The following CSMD1 variants were observed in gnomAD, a reference collection of about 807,000 sequenced individuals.
CSMD1 encodes the protein CUB and sushi domain-containing protein 1.
Under a neutral mutation model 417.5 loss-of-function variants are expected in CSMD1, and 213 were observed. The observed-to-expected ratio is 0.51, with a 90% CI of 0.46 to 0.57. CSMD1 has a LOEUF of 0.57. CSMD1 is among the 20% of genes least tolerant of loss of function. CSMD1 has a pLI of 0.00. For synonymous variants in CSMD1, 2,862 were observed against 1,736.8 expected (o/e 1.65, Z -16.11); for missense variants, 6,923 against 4,529.7 (o/e 1.53, Z -15.17).
intron 5 of CSMD1, among the ~76,000 whole-genome samples, chr8:3,920,566 G>C (rs184991791): frequency 2.6e-5 from 4 of 152,180 alleles, no homozygotes; most frequent in Non-Finnish European, 5.9e-5. Context: ...TAAATTTAAA[G>C]AGAAATGCTT....
chr8:4,445,314 T>A (rs773299205), intron 2 of CSMD1, among the ~76,000 whole-genome samples: 6 of 152,224 alleles, frequency 3.9e-5, no homozygotes, highest in Non-Finnish European at 5.9e-5. Context: ...CCTCATTAAA[T>A]CAACCATTTT....
At chr8:3,604,615 A>G (rs1801521930) in intron 8 of CSMD1, among the ~76,000 whole-genome samples, 1 of 152,204 alleles carries the variant, frequency 6.6e-6, no homozygotes, top group Admixed American at 6.5e-5. Context: ...CAAATAAAAT[A>G]GTAAGCAAGA....
intron 3 of CSMD1, among the ~76,000 whole-genome samples, chr8:4,152,034 C>G (rs1030927334): frequency 6.6e-6 from 1 of 152,106 alleles, no homozygotes; most frequent in Non-Finnish European, 1.5e-5. Flanking sequence ...AGCTCGATAC[C>G]TTCATTTGAC....
chr8:4,789,832 A>G (rs977051587), intron 1 of CSMD1, among the ~76,000 whole-genome samples: 1 of 152,208 alleles, frequency 6.6e-6, no homozygotes, highest in South Asian at 2.1e-4. Flanking sequence ...TTTATGGAAA[A>G]TAAGTCTAAC....
intron 5 of CSMD1, among the ~76,000 whole-genome samples, chr8:3,777,658 C>T (rs995131815): frequency 6.6e-6 from 1 of 152,254 alleles, no homozygotes; most frequent in Non-Finnish European, 1.5e-5. Context: ...TCCAAGGAGC[C>T]TCCTTGAAGT....
chr8:4,173,265 A>C (rs922629673), intron 3 of CSMD1, among the ~76,000 whole-genome samples: 2 of 152,306 alleles, frequency 1.3e-5, no homozygotes, highest in Admixed American at 6.5e-5. Context: ...GAATGTAATA[A>C]AATTTTAAAA....
intron 2 of CSMD1, among the ~76,000 whole-genome samples, chr8:4,531,856 C>T (rs984507030): frequency 3.9e-5 from 6 of 151,944 alleles, no homozygotes; most frequent in Admixed American, 6.6e-5. Context: ...AATCCTGCAC[C>T]GCATTCAGTC....
chr8:4,330,730 G>A (rs1004637829), intron 3 of CSMD1, among the ~76,000 whole-genome samples: 2 of 151,946 alleles, frequency 1.3e-5, no homozygotes, highest in Non-Finnish European at 2.9e-5. Context: ...AATCAAGTTC[G>A]TGACTTATCT....
At chr8:4,135,925 C>T (rs1380585671) in intron 3 of CSMD1, among the ~76,000 whole-genome samples, 1 of 151,986 alleles carries the variant, frequency 6.6e-6, no homozygotes, top group Non-Finnish European at 1.5e-5. Context: ...TGTTAGTTTT[C>T]CCTGGATTGG....
At chr8:4,878,659 C>T (rs1321147861) in intron 1 of CSMD1, among the ~76,000 whole-genome samples, 1 of 151,888 alleles carries the variant, frequency 6.6e-6, no homozygotes, top group Non-Finnish European at 1.5e-5. Context: ...AATTTCATTA[C>T]TTGTGAAATG....
At chr8:4,019,769 G>C (rs79932064) in intron 4 of CSMD1, among the ~76,000 whole-genome samples, 1,642 of 152,206 alleles carry the variant, frequency 0.011, 22 homozygotes, top group East Asian at 0.054. Context: ...TTCTGTCCAA[G>C]TGGTGGTGTG....
intron 5 of CSMD1, among the ~76,000 whole-genome samples, chr8:3,809,129 G>A (rs915464041): frequency 1.3e-5 from 2 of 152,054 alleles, no homozygotes; most frequent in East Asian, 1.9e-4. Flanking sequence ...CCTCTATTGG[G>A]AATATCTTCC....
intron 2 of CSMD1, among the ~76,000 whole-genome samples, chr8:4,513,393 A>G (rs907923961): frequency 6.6e-6 from 1 of 152,214 alleles, no homozygotes; most frequent in Admixed American, 6.6e-5. Context: ...GAAATCCTCA[A>G]GTAGCACCTG....
intron 1 of CSMD1, among the ~76,000 whole-genome samples, chr8:4,806,635 AT>A (rs556073349): frequency 5.5e-4 from 84 of 152,346 alleles, no homozygotes; most frequent in Non-Finnish European, 8.4e-4. Flanking sequence ...AGTAATTAAA[AT>A]CATCCTGAAA....
At chr8:4,649,234 C>T (rs1459121835) in intron 1 of CSMD1, among the ~76,000 whole-genome samples, 3 of 152,158 alleles carry the variant, frequency 2.0e-5, no homozygotes, top group Admixed American at 6.5e-5. Flanking sequence ...GTGCCCAGTG[C>T]ACAGTAAACA....
intron 13 of CSMD1, 45 bp downstream of exon 13, chr8:3,409,378 T>A (rs756548893): frequency 1.3e-6 from 2 of 1,483,504 alleles, no homozygotes; most frequent in Non-Finnish European, 1.8e-6. Context: ...CCTTGCAAGA[T>A]CCTTGCAGGA....
chr8:3,543,570 A>G (rs34362465), intron 10 of CSMD1, among the ~76,000 whole-genome samples: 21,254 of 152,002 alleles, frequency 0.14, 1,765 homozygotes, highest in African/African-American at 0.23. Context: ...GGGTCTGCTG[A>G]TGAATGTGGG....
intron 5 of CSMD1, among the ~76,000 whole-genome samples, chr8:3,821,907 G>A (rs768571247): frequency 2.6e-5 from 4 of 152,336 alleles, no homozygotes; most frequent in Non-Finnish European, 4.4e-5. Context: ...GCTTCCAGAA[G>A]CTGGATGCGA....
At chr8:4,229,740 C>T (rs376721805) in intron 3 of CSMD1, among the ~76,000 whole-genome samples, 2 of 152,160 alleles carry the variant, frequency 1.3e-5, no homozygotes, top group South Asian at 4.1e-4. Context: ...CTCTGCCGTC[C>T]TGCTTCTACA....
Sources: gnomAD v4.1 joint callset for allele counts (sites outside exome capture counted in the v4.1 genomes callset) on GRCh38, gnomAD v4.1.1 for gene constraint, MANE v1.5 for transcripts, NCBI Gene and HGNC (gene_info 2026-07-23, HGNC 2026-07-21) for gene names.